The following KCNQ2 variants were observed in gnomAD, a reference collection of about 807,000 sequenced individuals.
KCNQ2 encodes potassium voltage-gated channel subfamily Q member 2, also known as potassium voltage-gated channel subfamily KQT member 2.
KCNQ2 carries 14 observed loss-of-function variants against 84.8 expected under a neutral mutation model. The observed-to-expected ratio is 0.17, with a 90% confidence interval of 0.11 to 0.26. The LOEUF (loss-of-function observed/expected upper bound fraction) is 0.26, where lower values mean the gene tolerates loss of function less well. Ranked by LOEUF, KCNQ2 falls within the 10% of genes least tolerant of loss-of-function variation. The probability of loss-of-function intolerance (pLI) is 1.00; values close to 1 mark genes in which losing one functional copy is unlikely to be tolerated. For synonymous variants in KCNQ2, 599 were observed against 554.1 expected, an observed-to-expected ratio of 1.08 and a Z score of -1.14; for missense variants, 788 against 1,254.0, an observed-to-expected ratio of 0.63 and a Z score of 5.61.
chr20:63,445,543 C>G (rs2081387549), intron 2 of KCNQ2, 179 bp from the exon 3 acceptor site: 1 of 635,934 alleles, frequency 1.6e-6, no homozygotes, highest in East Asian at 2.7e-5. Context: ...AAGGGTTGGG[C>G]CCTCTGGAGA....
chr20:63,425,126 C>T lies in KCNQ2; in HGVS notation c.1218-920G>A, dbSNP rs1365401394. ...TGTCTCTGTGTCTTCTCCTCCTCTA[C>T]CTCTGTAAGGACAGCTGTCACCGGG... On this transcript the variant is annotated intron_variant, in intron 10 of 16. Transcript: ENST00000359125. The surrounding 1 kb of genome is among the most constrained non-coding windows in gnomAD (Gnocchi z 5.5). Among the ~76,000 whole-genome samples, 1 of 152,172 alleles carries T rather than the reference C, an allele frequency of 6.6e-6. No individual in the cohort carries two copies. Among genetic ancestry groups the T allele is most frequent in the Non-Finnish European group, 1.5e-5 (1 of 68,030 alleles).
chr20:63,463,833 G>A (rs1267871709), intron 1 of KCNQ2: 1 of 152,120 alleles, frequency 6.6e-6, no homozygotes, highest in Non-Finnish European at 1.5e-5. Flanking sequence ...GGCAGCAGAT[G>A]CCTCCACGCC....
chr20:63,420,786 C>T (rs1331594897), intron 11 of KCNQ2, among the ~76,000 whole-genome samples: 1 of 152,152 alleles, frequency 6.6e-6, no homozygotes, highest in Non-Finnish European at 1.5e-5. Flanking sequence ...GCTTCCACCC[C>T]AGCCCCCGTG....
intron 12 of KCNQ2, 41 bp from the exon 13 acceptor site, chr20:63,415,167 A>C (rs1462498240): frequency 6.4e-7 from 1 of 1,556,780 alleles, no homozygotes; most frequent in East Asian, 2.3e-5. Flanking sequence ...AAAAACAGGG[A>C]GAGAAGTCAC....
chr20:63,426,351 G>A (rs1157955078), intron 10 of KCNQ2, among the ~76,000 whole-genome samples: 3 of 152,228 alleles, frequency 2.0e-5, no homozygotes, highest in Non-Finnish European at 2.9e-5. Context: ...TTCAGCATGA[G>A]GCTGTCTGGC....
intron 1 of KCNQ2, among the ~76,000 whole-genome samples, chr20:63,457,163 A>G (rs926986857): frequency 1.6e-4 from 24 of 152,258 alleles, no homozygotes; most frequent in Non-Finnish European, 2.6e-4. Flanking sequence ...GGATCACTGC[A>G]GACCGCCGGG....
intron 4 of KCNQ2, among the ~76,000 whole-genome samples, chr20:63,443,409 TCACCATCACCACCATCATCAC>T (rs1568937768): frequency 1.6e-4 from 5 of 32,102 alleles, no homozygotes; most frequent in Non-Finnish European, 2.5e-4. Flanking sequence ...ATCACCACCA[TCACCATCACCACCATCATCAC>T]CATCACCATC....
chr20:63,458,682 G>C (rs1006100922), intron 1 of KCNQ2, among the ~76,000 whole-genome samples: 1 of 152,242 alleles, frequency 6.6e-6, no homozygotes. Context: ...TGCTCAGACA[G>C]TGGCCCCAAG....
In KCNQ2 at chr20:63,419,613, C is replaced by T. The variant is rs377304987; in HGVS notation, c.1301+6G>A. 1.2e-5 allele frequency: 20 copies of T among 1,608,636 alleles called. No individual in the cohort carries two copies. Among genetic ancestry groups the T allele is most frequent in the African/African-American group, 6.7e-5 (5 of 74,928 alleles). Reference sequence around the variant, plus strand: ...CCGTCAGTCCGTGCGGCGTGTTCCGCGGTACCTAGAGCGTCCGGGGCAGCA... The same window carrying T: ...CCGTCAGTCCGTGCGGCGTGTTCCGTGGTACCTAGAGCGTCCGGGGCAGCA... On this transcript the variant is annotated splice_donor_region_variant and intron_variant, in intron 12 of 16. Coordinates refer to ENST00000359125, the MANE Select transcript of KCNQ2 (RefSeq NM_172107.4).
chr20:63,442,806 T>C (rs1167787951), intron 4 of KCNQ2, among the ~76,000 whole-genome samples: 6 of 32,018 alleles, frequency 1.9e-4, no homozygotes, highest in Non-Finnish European at 4.0e-4. Context: ...ACCACCACCA[T>C]TACCACCACC....
At chr20:63,442,987 TACCATCACCATCACC>T (rs2081260292) in intron 4 of KCNQ2, among the ~76,000 whole-genome samples, 1 of 18,666 alleles carries the variant, frequency 5.4e-5, no homozygotes, top group Non-Finnish European at 9.8e-5. Context: ...TCACCACCAT[TACCATCACCATCACC>T]ACCATCACCA....
chr20:63,415,006 C>T lies in KCNQ2; in HGVS notation c.1422G>A (p.Glu474=), dbSNP rs1466824288. The part of the protein sequence containing the change: ...RRSPSADQSL[E]DSPSKVPKSW... ...TCTTGGGCACCTTGCTGGGGCTGTCCTCGAGGCTCTGGTCGGCGCTGGGTG... is the reference window on the plus strand; with the variant it reads ...TCTTGGGCACCTTGCTGGGGCTGTCTTCGAGGCTCTGGTCGGCGCTGGGTG... Residue 474 remains glutamate, a synonymous_variant, in exon 13 of 17, where the codon GAG becomes GAA. Transcript: ENST00000359125. The T allele has an allele frequency of 1.9e-6, 3 of 1,611,052 alleles. No homozygotes were observed. Among genetic ancestry groups the T allele is most frequent in the Non-Finnish European group, 2.5e-6 (3 of 1,179,950 alleles).
intron 12 of KCNQ2, 107 bp downstream of exon 12, chr20:63,419,512 G>A: frequency 8.7e-7 from 1 of 1,154,988 alleles, no homozygotes; most frequent in South Asian, 1.3e-5. Context: ...TCAGAATTGG[G>A]GTTGGGGCGC....
chr20:63,442,893 CCACCATCACCACCACCATCACCAT>C (rs1568935072), intron 4 of KCNQ2, among the ~76,000 whole-genome samples: 2 of 6,246 alleles, frequency 3.2e-4, no homozygotes, highest in Non-Finnish European at 6.9e-4. Context: ...ACCACCATCA[CCACCATCACCACCACCATCACCAT>C]CACCACCATC....
At chr20:63,440,089 C>T (rs1259751181) in intron 5 of KCNQ2, among the ~76,000 whole-genome samples, 2 of 152,184 alleles carry the variant, frequency 1.3e-5, no homozygotes, top group African/African-American at 2.4e-5. Flanking sequence ...ACGGGCAGGG[C>T]GTGCAGGGGG....
rs968169057 is a variant in KCNQ2 at position 63,407,639 on chromosome 20, C to G, written c.1888-264G>C. ...CAGGAAATGGGGGACCCAGGCTAGT[C>G]CCAGGAAATGGGGGGGACCCAGGCT... On this transcript the variant is annotated intron_variant, in intron 16 of 16. Coordinates refer to ENST00000359125, the MANE Select transcript of KCNQ2 (RefSeq NM_172107.4). This position sits in a 1 kb window ranked among gnomAD's most constrained non-coding sequence, Gnocchi z 7.2. 2.0e-5 allele frequency among the ~76,000 whole-genome samples: 3 copies of G among 151,078 alleles called. No individual in the cohort carries two copies. The highest frequency in any genetic ancestry group is 7.3e-5 in the African/African-American group (3 of 41,038).
rs191970977 is a variant in KCNQ2 at position 63,444,944 on chromosome 20, T to C, written c.515-110A>G. ...GGATGTGCAGAGGGGCGGGAAGGTG[T>C]ATGCCCAGCGCCTGGTGTGGGCTCT... is the stretch of plus-strand genomic sequence containing the variant. On this transcript the variant is annotated intron_variant, in intron 3 of 16. Transcript: ENST00000359125. The C allele has an allele frequency of 2.8e-5, 35 of 1,236,110 alleles. No homozygotes were observed. In the African/African-American group the frequency reaches 4.8e-4, roughly 17 times the overall value. 76.6% of individuals were successfully genotyped at this position (1,236,110 alleles called of 1,614,324 possible).
chr20:63,456,362 C>G (rs186527399), intron 1 of KCNQ2, among the ~76,000 whole-genome samples: 48 of 152,370 alleles, frequency 3.2e-4, no homozygotes, highest in African/African-American at 1.1e-3. Context: ...CCGAGTCAGT[C>G]CCACAGCCAG....
In KCNQ2 at chr20:63,431,148, G is replaced by A. The variant is rs139097381; in HGVS notation, c.1148+192C>T. On this transcript the variant is annotated intron_variant, in intron 9 of 16. Coordinates refer to ENST00000359125, the MANE Select transcript of KCNQ2 (RefSeq NM_172107.4). ...GCACGTGGGCTCCAGGCAGGGGAGG[G>A]CCCAGGGTGATCTGGCCGCCCAGCA... Among the ~76,000 whole-genome samples the A allele has an allele frequency of 7.3e-3, 1,115 of 152,208 alleles. 65 individuals carry two copies. The South Asian group carries it at 0.16, about 22-fold the overall frequency.
Sources: allele counts gnomAD v4.1 joint callset (sites outside exome capture counted in the v4.1 genomes callset), GRCh38; gene constraint gnomAD v4.1.1; non-coding constraint Gnocchi (gnomAD v3.1); transcripts MANE v1.5; gene names NCBI Gene and HGNC (gene_info 2026-07-23, HGNC 2026-07-21).